The following TACC1 variants were observed in gnomAD, a reference collection of about 807,000 sequenced individuals.
TACC1 encodes the protein transforming acidic coiled-coil containing protein 1.
A neutral mutation model predicts 84.4 loss-of-function variants in TACC1; 48 were observed. That is an observed-to-expected ratio of 0.57 (90% CI 0.45 to 0.72). The LOEUF is 0.72. Ranked by LOEUF, TACC1 falls within the 30% of genes least tolerant of loss-of-function variation. The pLI, the probability that TACC1 is intolerant of heterozygous loss-of-function variation, is 0.00. For missense variants in TACC1, 920 were observed against 973.0 expected, an observed-to-expected ratio of 0.95 and a Z score of 0.72; for synonymous variants, 372 against 376.3, an observed-to-expected ratio of 0.99 and a Z score of 0.13.
chr8:38,777,802 G>GA (rs1253515491), intron 3 of TACC1, among the ~76,000 whole-genome samples: 3 of 151,818 alleles, frequency 2.0e-5, no homozygotes, highest in African/African-American at 4.8e-5. Flanking sequence ...CTCTAAAAGA[G>GA]AAAAAAAAGA....
intron 9 of TACC1, among the ~76,000 whole-genome samples, chr8:38,842,044 C>G (rs1208424688): frequency 1.3e-5 from 2 of 152,112 alleles, no homozygotes; most frequent in South Asian, 2.1e-4. Flanking sequence ...TCAGATCTCT[C>G]CCTGAGAGCA....
intron 9 of TACC1, among the ~76,000 whole-genome samples, chr8:38,841,508 C>T (rs1473793151): frequency 6.6e-6 from 1 of 152,208 alleles, no homozygotes; most frequent in Non-Finnish European, 1.5e-5. Flanking sequence ...AGCATTTTTG[C>T]ACTCTGCACA....
intron 3 of TACC1, among the ~76,000 whole-genome samples, chr8:38,775,473 G>T (rs1814632787): frequency 6.6e-6 from 1 of 152,120 alleles, no homozygotes; most frequent in African/African-American, 2.4e-5. Context: ...GAGGATGGAG[G>T]TCCCCATGAT....
intron 3 of TACC1, among the ~76,000 whole-genome samples, chr8:38,776,335 A>T (rs1814784842): frequency 6.6e-6 from 1 of 152,200 alleles, no homozygotes; most frequent in Non-Finnish European, 1.5e-5. Context: ...TTTTTAGGAT[A>T]ATTAGGACAT....
At chr8:38,729,007 C>T (rs1055447601) in intron 1 of TACC1, among the ~76,000 whole-genome samples, 9 of 152,206 alleles carry the variant, frequency 5.9e-5, no homozygotes, top group African/African-American at 1.9e-4. Flanking sequence ...TTTCCCTTTG[C>T]TTCTCTCTTC....
chr8:38,781,578 G>A (rs1053221594), intron 3 of TACC1, among the ~76,000 whole-genome samples: 2 of 151,966 alleles, frequency 1.3e-5, no homozygotes, highest in Non-Finnish European at 2.9e-5. Flanking sequence ...ACGGGGTTTC[G>A]CCGTGTTGGC....
chr8:38,843,260 G>A (rs1831591858), intron 10 of TACC1, 29 bp from the exon 11 acceptor site: 1 of 1,495,860 alleles, frequency 6.7e-7, no homozygotes, highest in Non-Finnish European at 9.0e-7. Flanking sequence ...AAAATGACCT[G>A]TTTATTTTCA....
Position 38,851,756 on chromosome 8 carries a change from G to A in TACC1, c.*3733G>A. 3.0e-6 allele frequency: 1 copy of A among 334,984 alleles called. No homozygotes were observed. Among genetic ancestry groups the A allele is most frequent in the Non-Finnish European group, 6.0e-6 (1 of 167,046 alleles). The allele number at this position is 334,984 out of a possible 1,614,324, so 20.8% of individuals were successfully genotyped here. A position where few individuals can be genotyped will look rare whatever the true frequency, so the allele number is the denominator to read the frequency against. On this transcript the variant is annotated 3_prime_UTR_variant, in exon 13 of 13. Coordinates refer to ENST00000317827, the MANE Select transcript of TACC1 (RefSeq NM_006283.3). ...TGAAAGATTACATGATTCAAGCGAG[G>A]GATTTTAAAGTAAAGATGTATTTAT...
chr8:38,819,915 C>G lies in TACC1; in HGVS notation c.671C>G (p.Pro224Arg). 6.2e-7 allele frequency: 1 copy of G among 1,614,050 alleles called. No individual in the cohort carries two copies. Among genetic ancestry groups the G allele is most frequent in the Non-Finnish European group, 8.5e-7 (1 of 1,180,028 alleles). The change falls in exon 3 of 13, where the codon CCC (proline) becomes CGC (arginine). Residue 224 changes from proline to arginine, a missense_variant. Transcript: ENST00000317827. ...GGCAACTCCTGTCCAGAGCTTGTGCCCAGCAGAAGAAGCAAGCTGAGAAAG... is the reference window on the plus strand; with the variant it reads ...GGCAACTCCTGTCCAGAGCTTGTGCGCAGCAGAAGAAGCAAGCTGAGAAAG... ...KAGNSCPELV[P>R]SRRSKLRKPK...
Position 38,826,735 on chromosome 8 carries a change from G to A in TACC1, c.1453-433G>A, listed in dbSNP as rs73677619. ...ATCAAATCACTAAGGTAACTAGATA[G>A]CATTAAGTAAATTCAATATTTAGAA... On this transcript the variant is annotated intron_variant, in intron 4 of 12. Transcript: ENST00000317827. Among the ~76,000 whole-genome samples, 1,232 of 152,150 alleles carry A rather than the reference G, an allele frequency of 8.1e-3. 14 individuals are homozygous for A. Among genetic ancestry groups the A allele is most frequent in the African/African-American group, 0.028 (1,173 of 41,512 alleles).
chr8:38,820,754 A>G (rs1173867745), intron 3 of TACC1, 119 bp downstream of exon 3: 7 of 1,384,220 alleles, frequency 5.1e-6, no homozygotes, highest in Admixed American at 4.3e-5. Context: ...GGTTCATACA[A>G]AGCTTATAAT....
intron 5 of TACC1, among the ~76,000 whole-genome samples, chr8:38,828,260 CAAAG>C (rs1334514582): frequency 2.6e-5 from 4 of 152,060 alleles, no homozygotes; most frequent in Non-Finnish European, 5.9e-5. Context: ...TTCAGAGAAA[CAAAG>C]TAAGTCAAAG....
At chr8:38,763,341 A>G (rs1209683725) in intron 3 of TACC1, among the ~76,000 whole-genome samples, 5 of 152,062 alleles carry the variant, frequency 3.3e-5, no homozygotes, top group Admixed American at 3.3e-4. Flanking sequence ...AATTGTGGAA[A>G]TGGGGCTCTT....
chr8:38,736,688 T>A (rs1218231120), intron 1 of TACC1, among the ~76,000 whole-genome samples: 2 of 152,142 alleles, frequency 1.3e-5, no homozygotes, highest in East Asian at 3.9e-4. Flanking sequence ...TTGAAGTCAT[T>A]ATTCAGCCTC....
chr8:38,839,821 T>C (rs1435781179), intron 8 of TACC1: 1 of 161,086 alleles, frequency 6.2e-6, no homozygotes, highest in South Asian at 2.0e-4. Context: ...AAAGGGTGGA[T>C]TGACTCAGGA....
intron 3 of TACC1, chr8:38,823,905 C>G (rs575457628): frequency 5.0e-6 from 5 of 993,280 alleles, no homozygotes; most frequent in South Asian, 5.0e-5. Flanking sequence ...ATCTGCCAGA[C>G]TAGAGTTGAA....
In TACC1 at chr8:38,851,911, G is replaced by A. The variant is rs1458855696; in HGVS notation, c.*3888G>A. ...ATACTTTAATAAAGAAGTATTTCGA[G>A]GAGATATCTGTCCAAAAAGGTTTGA... On this transcript the variant is annotated 3_prime_UTR_variant, in exon 13 of 13. Coordinates refer to ENST00000317827, the MANE Select transcript of TACC1 (RefSeq NM_006283.3). The A allele has an allele frequency of 2.2e-6, 1 of 454,742 alleles. No homozygotes were observed. The highest frequency in any genetic ancestry group is 4.4e-6 in the Non-Finnish European group (1 of 226,124). The allele number at this position is 454,742 out of a possible 1,614,324, so 28.2% of individuals were successfully genotyped here.
At chr8:38,784,528 A>G (rs1816739889), upstream of TACC1, among the ~76,000 whole-genome samples, 1 of 151,922 alleles carries the variant, frequency 6.6e-6, no homozygotes, top group Admixed American at 6.6e-5. Flanking sequence ...AGACTGCACC[A>G]CCGTGCTCCA....
chr8:38,837,845 T>G (rs1050442660), intron 7 of TACC1, among the ~76,000 whole-genome samples: 1 of 152,226 alleles, frequency 6.6e-6, no homozygotes, highest in Admixed American at 6.5e-5. Context: ...GCAATGAATT[T>G]AGAGTATTTC....
Sources: allele counts gnomAD v4.1 joint callset (sites outside exome capture counted in the v4.1 genomes callset), GRCh38; gene constraint gnomAD v4.1.1; transcripts MANE v1.5; gene names NCBI Gene and HGNC (gene_info 2026-07-23, HGNC 2026-07-21).